The following BACH2 variants were observed in gnomAD, a reference collection of about 807,000 sequenced individuals.
The protein encoded by BACH2 is BACH transcriptional regulator 2.
Under a neutral mutation model 61.8 loss-of-function variants are expected in BACH2, and 5 were observed. The observed-to-expected ratio is 0.08, with a 90% CI of 0.04 to 0.17. BACH2 has a LOEUF of 0.17. Ranked by LOEUF, BACH2 falls within the 10% of genes least tolerant of loss-of-function variation. The probability of loss-of-function intolerance (pLI) is 1.00; values close to 1 mark genes in which losing one functional copy is unlikely to be tolerated. For synonymous variants in BACH2, 446 were observed against 440.1 expected (o/e 1.01, Z -0.17); for missense variants, 824 against 1,091.1 (o/e 0.76, Z 3.45).
rs1179101337 is a variant in BACH2, at chr6:90,252,596, G to C, written c.-352-6C>G. ...ATCAACAGCAACACTCTTATCTAAA[G>C]CAAAAGTAATGGATATGATTATCAC... On this transcript the variant is annotated splice_region_variant and splice_polypyrimidine_tract_variant and intron_variant, in intron 2 of 8. Transcript: ENST00000257749. 6.6e-6 allele frequency: 1 copy of C among 152,108 alleles called. No individual in the cohort carries two copies. The highest frequency in any genetic ancestry group is 1.5e-5 in the Non-Finnish European group (1 of 68,036). 9.4% of individuals were successfully genotyped at this position (152,108 alleles called of 1,614,324 possible).
At chr6:90,098,088 C>A (rs1016752163) in intron 4 of BACH2, among the ~76,000 whole-genome samples, 4 of 152,130 alleles carry the variant, frequency 2.6e-5, no homozygotes, top group African/African-American at 9.7e-5. Context: ...CATAAAAGGA[C>A]AAGTAAAATA....
chr6:90,166,920 G>C (rs997368871), intron 4 of BACH2, among the ~76,000 whole-genome samples: 2 of 138,488 alleles, frequency 1.4e-5, no homozygotes, highest in African/African-American at 5.3e-5. Flanking sequence ...GTGGGGGGAG[G>C]GGGGAGGAAT....
chr6:90,273,387 T>A (rs1771591636), intron 1 of BACH2, among the ~76,000 whole-genome samples: 1 of 152,118 alleles, frequency 6.6e-6, no homozygotes, highest in African/African-American at 2.4e-5. Flanking sequence ...AGGGACTTGA[T>A]AATATCTCCT....
At chr6:90,121,185 C>T (rs548918248) in intron 4 of BACH2, among the ~76,000 whole-genome samples, 10 of 152,246 alleles carry the variant, frequency 6.6e-5, no homozygotes, top group East Asian at 1.9e-4. Context: ...GAAAAGGCCT[C>T]GAGCCCACAT....
intron 1 of BACH2, among the ~76,000 whole-genome samples, chr6:90,279,604 G>A (rs1343259067): frequency 6.6e-6 from 1 of 150,884 alleles, no homozygotes; most frequent in African/African-American, 2.4e-5. Flanking sequence ...GATGACATAC[G>A]TACAGCAAAC....
At chr6:90,210,259 A>T (rs886386596) in intron 3 of BACH2, among the ~76,000 whole-genome samples, 20 of 152,052 alleles carry the variant, frequency 1.3e-4, no homozygotes, top group African/African-American at 4.8e-4. Context: ...CTATGGAAAT[A>T]AAGCATGTGA....
chr6:90,091,705 A>G (rs1243443537), intron 4 of BACH2, among the ~76,000 whole-genome samples: 1 of 152,158 alleles, frequency 6.6e-6, no homozygotes, highest in Non-Finnish European at 1.5e-5. Context: ...GCACCCACTA[A>G]TACTATAAGA....
rs1778793421 is a variant in BACH2, at chr6:90,028,967, C to T, written c.-12-20111G>A. On this transcript the variant is annotated intron_variant, in intron 5 of 8. Coordinates refer to ENST00000257749, the MANE Select transcript of BACH2 (RefSeq NM_021813.4). ...TTTGTTCATTAATTCACCAATTTAA[C>T]ATATAGTAACTGGTCCATCAAATTA... is the stretch of plus-strand genomic sequence containing the variant. 7.2e-5 allele frequency among the ~76,000 whole-genome samples: 11 copies of T among 152,324 alleles called. No homozygotes were observed. The South Asian group carries it at 2.3e-3, about 32-fold the overall frequency.
chr6:89,947,717 C>T lies in BACH2; in HGVS notation c.1836+2553G>A, dbSNP rs979871372. Among the ~76,000 whole-genome samples the T allele has an allele frequency of 2.2e-4, 33 of 152,098 alleles. 1 individual carries two copies. The highest frequency in any genetic ancestry group is 3.4e-3 in the Middle Eastern group (1 of 294). Reference sequence around the variant, plus strand: ...AGTAGCTGGGACTACAGGCGCCCACCACGACGCCCAGCTAATTTTTTTTTT... The same window carrying T: ...AGTAGCTGGGACTACAGGCGCCCACTACGACGCCCAGCTAATTTTTTTTTT... On this transcript the variant is annotated intron_variant, in intron 7 of 8. Coordinates refer to ENST00000257749, the MANE Select transcript of BACH2 (RefSeq NM_021813.4).
chr6:90,055,436 A>G (rs1780286511), intron 5 of BACH2, among the ~76,000 whole-genome samples: 1 of 152,192 alleles, frequency 6.6e-6, no homozygotes, highest in South Asian at 2.1e-4. Context: ...AAGAATAAAA[A>G]GAAACGAACA....
intron 4 of BACH2, among the ~76,000 whole-genome samples, chr6:90,161,932 T>G (rs1281545287): frequency 6.6e-6 from 1 of 152,158 alleles, no homozygotes; most frequent in Non-Finnish European, 1.5e-5. Flanking sequence ...GGCCGATGAA[T>G]TTATTTGGAT....
chr6:89,981,663 A>G (rs1775966801), intron 6 of BACH2, among the ~76,000 whole-genome samples: 2 of 152,218 alleles, frequency 1.3e-5, no homozygotes, highest in South Asian at 4.1e-4. Context: ...GAGAAATGGA[A>G]TTATTAGCGA....
At chr6:90,186,914 C>G (rs1377521881) in intron 4 of BACH2, among the ~76,000 whole-genome samples, 1 of 152,204 alleles carries the variant, frequency 6.6e-6, no homozygotes, top group South Asian at 2.1e-4. Flanking sequence ...TCTCAGAGTG[C>G]AAACTCTTAA....
In BACH2 at chr6:90,158,248, C is replaced by T. The variant is rs557654077; in HGVS notation, c.-162+48321G>A. ...TACAACAGAAGATAAGATTAACAAA[C>T]ATCTTTTTAAATTTTAAAAATATTA... On this transcript the variant is annotated intron_variant, in intron 4 of 8. Coordinates refer to ENST00000257749, the MANE Select transcript of BACH2 (RefSeq NM_021813.4). Among the ~76,000 whole-genome samples, 127 of 152,266 alleles carry T rather than the reference C, an allele frequency of 8.3e-4. 1 individual carries two copies. Among genetic ancestry groups the T allele is most frequent in the African/African-American group, 2.9e-3 (120 of 41,556 alleles).
chr6:90,136,088 T>C (rs1367448069), intron 4 of BACH2, among the ~76,000 whole-genome samples: 2 of 152,198 alleles, frequency 1.3e-5, no homozygotes, highest in Non-Finnish European at 2.9e-5. Flanking sequence ...TCCTCAGACA[T>C]CACCTAGCCA....
chr6:90,294,280 C>T (rs1010373770), intron 1 of BACH2, among the ~76,000 whole-genome samples: 4 of 152,176 alleles, frequency 2.6e-5, no homozygotes, highest in African/African-American at 9.7e-5. Flanking sequence ...AAGCCTCCTG[C>T]AATGCAAAAC....
chr6:90,150,670 G>A (rs10944478), intron 4 of BACH2, among the ~76,000 whole-genome samples: 6,385 of 152,232 alleles, frequency 0.042, 192 homozygotes, highest in South Asian at 0.08. Flanking sequence ...GTGCAGCATA[G>A]TTCCGAGAAG....
rs551581679 is a variant in BACH2 at position 90,047,401 on chromosome 6, C to T, written c.-12-38545G>A. Among the ~76,000 whole-genome samples the T allele has an allele frequency of 7.2e-5, 11 of 152,286 alleles. No individual in the cohort carries two copies. The South Asian group carries it at 2.3e-3, about 32-fold the overall frequency. On this transcript the variant is annotated intron_variant, in intron 5 of 8. Transcript: ENST00000257749. The stretch of plus-strand genomic sequence containing the variant: ...GAGTTATACTGGCACGTCCATGGTC[C>T]TGGAAAGGCCTTGGAAAGGCTGAGG...
intron 5 of BACH2, among the ~76,000 whole-genome samples, chr6:90,013,663 T>C (rs1302278885): frequency 7.2e-5 from 11 of 151,920 alleles, no homozygotes; most frequent in Admixed American, 1.3e-4. Flanking sequence ...CCCGCCACCA[T>C]GCCAGGCTAA....
Sources: gnomAD v4.1 joint callset for allele counts (sites outside exome capture counted in the v4.1 genomes callset) on GRCh38, gnomAD v4.1.1 for gene constraint, MANE v1.5 for transcripts, NCBI Gene and HGNC (gene_info 2026-07-23, HGNC 2026-07-21) for gene names.